Variants in EML2 observed in about 807,000 individuals in gnomAD.
EML2 encodes EMAP like 2, also known as echinoderm microtubule-associated protein-like 2.
Under a neutral mutation model 84.7 loss-of-function variants are expected in EML2, and 59 were observed. The observed-to-expected ratio is 0.70, with a 90% confidence interval of 0.56 to 0.86. EML2 has a LOEUF of 0.86. EML2 is among the 40% of genes least tolerant of loss of function. The pLI, the probability that EML2 is intolerant of heterozygous loss-of-function variation, is 0.00. For missense variants in EML2, 818 were observed against 855.6 expected, an observed-to-expected ratio of 0.96 and a Z score of 0.55; for synonymous variants, 352 against 348.9, an observed-to-expected ratio of 1.01 and a Z score of -0.10.
At chr19:45,644,304 C>G (rs972342311), upstream of EML2, among the ~76,000 whole-genome samples, 2 of 152,112 alleles carry the variant, frequency 1.3e-5, no homozygotes, top group Non-Finnish European at 2.9e-5. Context: ...ACTTGTTACA[C>G]GGACACACAG....
chr19:45,645,061 G>T (rs924710823), upstream of EML2: 1 of 616,066 alleles, frequency 1.6e-6, no homozygotes, highest in Non-Finnish European at 2.8e-6. Context: ...TAGCCACCTC[G>T]GGAGTACAGA....
chr19:45,621,582 C>A lies in EML2; in HGVS notation c.897G>T (p.Gly299=), dbSNP rs1411212724. ...GCGTCCCGTCCCGCAGGGCGCAGAG[C>A]CCAAACACGCCGCCGTCGTGGGCGC... ...VLGAHDGGVF[G]LCALRDGTLV... Residue 299 remains glycine, a synonymous_variant, in exon 10 of 19, where the codon GGG becomes GGT. Transcript: ENST00000245925. The A allele has an allele frequency of 2.5e-6, 4 of 1,611,886 alleles. No homozygotes were observed. The highest frequency in any genetic ancestry group is 3.4e-6 in the Non-Finnish European group (4 of 1,179,886).
At chr19:45,617,529 G>T (rs1971231612) in intron 13 of EML2, 101 bp downstream of exon 13, 11 of 1,081,808 alleles carry the variant, frequency 1.0e-5, no homozygotes, top group Middle Eastern at 2.0e-4. Context: ...AGGGATCAGG[G>T]CTCGGTAAAT....
rs764316942 is a variant in EML2 at position 45,630,060 on chromosome 19, G to A, written c.511-14C>T. 3.7e-6 allele frequency: 6 copies of A among 1,601,064 alleles called. No individual in the cohort carries two copies. The highest frequency in any genetic ancestry group is 2.2e-5 in the East Asian group (1 of 44,760). ...GTTGCCTCCATTCTAAAGAGGAGGA[G>A]AGAGGAGGGGGACAGAGGCAAGGGG... is the stretch of plus-strand genomic sequence containing the variant. On this transcript the variant is annotated splice_polypyrimidine_tract_variant and intron_variant, in intron 6 of 18. Transcript: ENST00000245925.
At chr19:45,620,083 C>T (rs1971518755) in intron 11 of EML2, among the ~76,000 whole-genome samples, 1 of 151,928 alleles carries the variant, frequency 6.6e-6, no homozygotes, top group South Asian at 2.1e-4. Context: ...AGAATGTGGT[C>T]ACAAAATGGA....
chr19:45,642,056 T>TTAGGGGACAGAAGAGGGTGAGTA, upstream of EML2: 2 of 1,443,562 alleles, frequency 1.4e-6, no homozygotes, highest in Non-Finnish European at 1.8e-6. Context: ...AGGGATGGGG[T>TTAGGGGACAGAAGAGGGTGAGTA]TAGGGGACAG....
chr19:45,643,872 C>A (rs2122858356), upstream of EML2: 1 of 1,023,788 alleles, frequency 9.8e-7, no homozygotes, highest in African/African-American at 1.6e-5. Context: ...AAGGAGTGAG[C>A]CGTCAGGACT....
chr19:45,645,618 C>T (rs1289256520), upstream of EML2: 10 of 585,974 alleles, frequency 1.7e-5, no homozygotes, highest in East Asian at 3.0e-4. Context: ...GTCCCGCCCA[C>T]AACCGGAGTA....
At chr19:45,624,107 T>C (rs1331146369) in intron 9 of EML2, among the ~76,000 whole-genome samples, 1 of 152,250 alleles carries the variant, frequency 6.6e-6, no homozygotes, top group African/African-American at 2.4e-5. Context: ...AACAATCTGT[T>C]CTTCATAACA....
At chr19:45,642,095 G>A (rs1293885655), upstream of EML2, 4 of 1,458,868 alleles carry the variant, frequency 2.7e-6, no homozygotes, top group Non-Finnish European at 3.6e-6. Context: ...ACCAGGCCCC[G>A]GTCCTCCCCA....
chr19:45,634,481 C>G lies in EML2; in HGVS notation c.180-10G>C, dbSNP rs201337052. 313 of 1,607,496 alleles carry G rather than the reference C, an allele frequency of 1.9e-4. No individual in the cohort carries two copies. The African/African-American group carries it at 3.9e-3, about 20-fold the overall frequency. On this transcript the variant is annotated splice_polypyrimidine_tract_variant and intron_variant, in intron 3 of 18. Coordinates refer to ENST00000245925, the MANE Select transcript of EML2 (RefSeq NM_012155.4). ...GCCACGGTAGCCATAGCTGGAGCCA[C>G]CCAGGGGCTGGTTAAGGAATGTGTT...
At chr19:45,639,479 T>A (rs1974195490), upstream of EML2, 2 of 1,167,022 alleles carry the variant, frequency 1.7e-6, no homozygotes, top group East Asian at 3.2e-5. Flanking sequence ...TGCCCCGCCC[T>A]CCACAGCCAC....
chr19:45,625,307 C>G (rs927547751), intron 8 of EML2, among the ~76,000 whole-genome samples: 1 of 152,182 alleles, frequency 6.6e-6, no homozygotes, highest in Non-Finnish European at 1.5e-5. Flanking sequence ...GTGGCGTGAT[C>G]TCGGCTCACT....
chr19:45,610,418 C>T (rs1339010378), intron 18 of EML2, among the ~76,000 whole-genome samples: 4 of 143,432 alleles, frequency 2.8e-5, no homozygotes, highest in African/African-American at 1.0e-4. Context: ...ACCAACAGAA[C>T]AGCTGGGCAT....
chr19:45,629,908 C>T lies in EML2; in HGVS notation c.606+43G>A, dbSNP rs1454796956. On this transcript the variant is annotated intron_variant, in intron 7 of 18. Coordinates refer to ENST00000245925, the MANE Select transcript of EML2 (RefSeq NM_012155.4). ...CTAACCACTGAGATTGGGAAAGTCCCACAGTGGCACCCAGCAGGAGGGGAT... is the reference window on the plus strand; with the variant it reads ...CTAACCACTGAGATTGGGAAAGTCCTACAGTGGCACCCAGCAGGAGGGGAT... 3.3e-6 allele frequency: 5 copies of T among 1,494,180 alleles called. No homozygotes were observed. In the African/African-American group the frequency reaches 6.9e-5, roughly 21 times the overall value. The allele number at this position is 1,494,180 out of a possible 1,614,324, so 92.6% of individuals were successfully genotyped here.
chr19:45,639,207 C>G (rs914694512), intron 1 of EML2, 150 bp downstream of exon 1: 6 of 916,416 alleles, frequency 6.5e-6, no homozygotes, highest in African/African-American at 1.7e-5. Context: ...CCCAGCACAC[C>G]AAACGTCAAG....
chr19:45,642,045 G>A, upstream of EML2: 1 of 1,442,870 alleles, frequency 6.9e-7, no homozygotes, highest in Non-Finnish European at 9.1e-7. Flanking sequence ...TGACACACTG[G>A]AGGGATGGGG....
At chr19:45,625,760 C>G (rs1174658031) in intron 8 of EML2, among the ~76,000 whole-genome samples, 1 of 152,244 alleles carries the variant, frequency 6.6e-6, no homozygotes, top group Non-Finnish European at 1.5e-5. Flanking sequence ...GGAGGAAGCC[C>G]TGTGTCTTCC....
At chr19:45,637,948 A>AT (rs1973964364) in intron 3 of EML2, among the ~76,000 whole-genome samples, 1 of 151,694 alleles carries the variant, frequency 6.6e-6, no homozygotes, top group African/African-American at 2.4e-5. Flanking sequence ...AAGTGCTCAG[A>AT]TTACAGGCAT....
Sources: allele counts gnomAD v4.1 joint callset (sites outside exome capture counted in the v4.1 genomes callset), GRCh38; gene constraint gnomAD v4.1.1; transcripts MANE v1.5; gene names NCBI Gene and HGNC (gene_info 2026-07-23, HGNC 2026-07-21).